Variants in HIPK3 observed in about 807,000 individuals in gnomAD.
HIPK3 encodes the protein homeodomain-interacting protein kinase 3.
Under a neutral mutation model 124.2 loss-of-function variants are expected in HIPK3, and 47 were observed. The observed-to-expected ratio is 0.38, with a 90% CI of 0.30 to 0.48. The LOEUF (loss-of-function observed/expected upper bound fraction) is 0.48. Ranked by LOEUF, HIPK3 falls within the 20% of genes least tolerant of loss-of-function variation. The pLI, the probability that HIPK3 is intolerant of heterozygous loss-of-function variation, is 0.98. For missense variants in HIPK3, 1,286 were observed against 1,454.3 expected (o/e 0.88, Z 1.88); for synonymous variants, 482 against 515.2 (o/e 0.94, Z 0.87).
chr11:33,301,806 A>T lies in HIPK3; in HGVS notation c.1097+14295A>T, dbSNP rs185698652. On this transcript the variant is annotated intron_variant, in intron 2 of 16. Transcript: ENST00000303296. ...CACTGTACTCCAGCCTGGGCAACAG[A>T]GTGAAACCCTGTCTGACACACACAC... Among the ~76,000 whole-genome samples, 21 of 139,908 alleles carry T rather than the reference A, an allele frequency of 1.5e-4. No individual in the cohort carries two copies. The East Asian group carries it at 4.2e-3, about 28-fold the overall frequency. 91.8% of individuals were successfully genotyped at this position (139,908 alleles called of 152,430 possible).
chr11:33,308,613 GGTGTGTGT>G (rs10628141), intron 2 of HIPK3, among the ~76,000 whole-genome samples: 14 of 147,474 alleles, frequency 9.5e-5, no homozygotes, highest in Admixed American at 7.5e-4. Context: ...TGTGCCTAGG[GGTGTGTGT>G]GTGTGTGTGT....
chr11:33,337,009 G>A, intron 3 of HIPK3, 66 bp from the exon 4 acceptor site: 2 of 1,171,142 alleles, frequency 1.7e-6, no homozygotes, highest in Non-Finnish European at 2.5e-6. Flanking sequence ...ATATAGCCTA[G>A]TGTCTGACTT....
At chr11:33,328,770 G>A in intron 3 of HIPK3, 137 bp downstream of exon 3, 3 of 685,842 alleles carry the variant, frequency 4.4e-6, no homozygotes, top group Non-Finnish European at 6.8e-6. Flanking sequence ...GGATCTTGTA[G>A]AATTGATTTT....
At chr11:33,327,991 G>A (rs897571238) in intron 2 of HIPK3, among the ~76,000 whole-genome samples, 5 of 152,166 alleles carry the variant, frequency 3.3e-5, no homozygotes, top group Non-Finnish European at 7.4e-5. Context: ...AGAATACACT[G>A]AATTTAGTTT....
chr11:33,338,882 AG>A (rs1565093655), intron 5 of HIPK3, 39 bp downstream of exon 5: 2 of 1,430,702 alleles, frequency 1.4e-6, no homozygotes, highest in Non-Finnish European at 2.0e-6. Flanking sequence ...TTACATGCTT[AG>A]ATGGTAGACT....
intron 3 of HIPK3, among the ~76,000 whole-genome samples, chr11:33,334,438 A>G (rs1326674783): frequency 6.6e-6 from 1 of 152,174 alleles, no homozygotes; most frequent in Admixed American, 6.5e-5. Context: ...GTGGTTCGAC[A>G]TGGTGCCAGT....
chr11:33,259,072 C>T (rs1158981931), intron 1 of HIPK3, among the ~76,000 whole-genome samples: 1 of 152,160 alleles, frequency 6.6e-6, no homozygotes, highest in African/African-American at 2.4e-5. Flanking sequence ...GTTTGGAGAT[C>T]TGCTGACACT....
At chr11:33,281,607 G>C (rs550174999) in intron 1 of HIPK3, among the ~76,000 whole-genome samples, 1 of 152,208 alleles carries the variant, frequency 6.6e-6, no homozygotes, top group South Asian at 2.1e-4. Flanking sequence ...CTTCACCAAG[G>C]CAAAGAAACC....
chr11:33,310,946 C>T (rs1590387649), intron 2 of HIPK3, among the ~76,000 whole-genome samples: 1 of 152,286 alleles, frequency 6.6e-6, no homozygotes, highest in Non-Finnish European at 1.5e-5. Flanking sequence ...AGGCATCTGC[C>T]AAGGCCCCTC....
rs749871355 is a variant in HIPK3, at chr11:33,286,974, A to G, written c.560A>G (p.His187Arg). ...TGEGDYQLVQ[H>R]EVLCSMKNTY... ...GAAGGTGACTATCAGTTAGTACAGCATGAAGTCTTATGCTCCATGAAAAAT... is the reference window on the plus strand; with the variant it reads ...GAAGGTGACTATCAGTTAGTACAGCGTGAAGTCTTATGCTCCATGAAAAAT... The change falls in exon 2 of 17, where the codon CAT becomes CGT. Residue 187 changes from histidine to arginine, a missense_variant. Coordinates refer to ENST00000303296, the MANE Select transcript of HIPK3 (RefSeq NM_005734.5). The G allele has an allele frequency of 6.8e-6, 11 of 1,614,092 alleles. No homozygotes were observed. Among genetic ancestry groups the G allele is most frequent in the African/African-American group, 4.0e-5 (3 of 74,944 alleles).
chr11:33,341,569 A>G lies in HIPK3; in HGVS notation c.1780A>G (p.Thr594Ala). Residue 594 changes from threonine (T) to alanine (A), a missense_variant, in exon 8 of 17, where the codon ACC becomes GCC. Transcript: ENST00000303296. ...KIGTLRSQAL[T>A]TSAHSVVHHG... The stretch of plus-strand genomic sequence containing the variant: ...AATGTGCTCGTTGTTTCAGGCATTG[A>G]CCACATCTGCTCATTCAGTTGTGCA... 1 of 1,609,760 alleles carries G rather than the reference A, an allele frequency of 6.2e-7. No homozygotes were observed. Among genetic ancestry groups the G allele is most frequent in the East Asian group, 2.2e-5 (1 of 44,814 alleles).
At chr11:33,260,052 C>G (rs552994803) in intron 1 of HIPK3, among the ~76,000 whole-genome samples, 1 of 152,148 alleles carries the variant, frequency 6.6e-6, no homozygotes, top group African/African-American at 2.4e-5. Flanking sequence ...TAGTCATTAC[C>G]TTGCTTATAA....
chr11:33,350,518 A>G (rs1392651484), intron 14 of HIPK3, among the ~76,000 whole-genome samples: 1 of 151,906 alleles, frequency 6.6e-6, no homozygotes, highest in Non-Finnish European at 1.5e-5. Context: ...AATTAAAAAA[A>G]AAAAAAAAAG....
intron 2 of HIPK3, among the ~76,000 whole-genome samples, chr11:33,317,274 ATTTTTT>A (rs3028961): frequency 9.8e-6 from 1 of 102,220 alleles, no homozygotes; most frequent in Non-Finnish European, 1.8e-5. Context: ...GCCTGGCCCT[ATTTTTT>A]TTTTTTTTTT....
chr11:33,344,955 A>T (rs1853449819), intron 8 of HIPK3, among the ~76,000 whole-genome samples: 1 of 152,170 alleles, frequency 6.6e-6, no homozygotes, highest in East Asian at 1.9e-4. Flanking sequence ...TACAAGAAAC[A>T]TTTAAAAATA....
chr11:33,295,530 C>T (rs978922876), intron 2 of HIPK3, among the ~76,000 whole-genome samples: 1 of 152,372 alleles, frequency 6.6e-6, no homozygotes, highest in South Asian at 2.1e-4. Flanking sequence ...CGCCTGTGGT[C>T]GGAGTCAGCG....
chr11:33,257,806 TC>T lies in HIPK3; in HGVS notation c.-82del. On this transcript the variant is annotated 5_prime_UTR_variant, in exon 1 of 17. Transcript: ENST00000303296. ...GCCTGCTGAAGCGCCTGGCTCCCGG[TC>T]CCCGGCACGGCCCTGCGCCCCACCC... 1.0e-6 allele frequency: 1 copy of T among 986,570 alleles called. No homozygotes were observed. Among genetic ancestry groups the T allele is most frequent in the Non-Finnish European group, 1.2e-6 (1 of 830,968 alleles). The allele number at this position is 986,570 out of a possible 1,614,324, so 61.1% of individuals were successfully genotyped here. A position where few individuals can be genotyped will look rare whatever the true frequency, so the allele number is the denominator to read the frequency against.
intron 8 of HIPK3, among the ~76,000 whole-genome samples, chr11:33,345,302 G>A (rs1364093037): frequency 6.6e-6 from 1 of 152,092 alleles, no homozygotes; most frequent in Non-Finnish European, 1.5e-5. Flanking sequence ...CTATATTAGA[G>A]TAAAATATAT....
chr11:33,279,478 T>C (rs942539165), intron 1 of HIPK3, among the ~76,000 whole-genome samples: 1 of 152,130 alleles, frequency 6.6e-6, no homozygotes, highest in Non-Finnish European at 1.5e-5. Flanking sequence ...CTCCCTCCCT[T>C]TTCAGATGGG....
Sources: allele counts gnomAD v4.1 joint callset (sites outside exome capture counted in the v4.1 genomes callset), GRCh38; gene constraint gnomAD v4.1.1; transcripts MANE v1.5; gene names NCBI Gene and HGNC (gene_info 2026-07-23, HGNC 2026-07-21).